Variants in WDFY3 observed in about 807,000 individuals in gnomAD.
WDFY3 encodes the protein WD repeat and FYVE domain containing 3, also known as WD repeat and FYVE domain-containing protein 3.
WDFY3 carries 66 observed loss-of-function variants against 409.6 expected under a neutral mutation model. The observed-to-expected ratio is 0.16, with a 90% CI of 0.13 to 0.20. The LOEUF (loss-of-function observed/expected upper bound fraction) is 0.20, where lower values mean the gene tolerates loss of function less well. WDFY3 is among the 10% of genes least tolerant of loss of function. The pLI is 1.00. For missense variants in WDFY3, 3,031 were observed against 4,298.1 expected, an observed-to-expected ratio of 0.71 and a Z score of 8.24; for synonymous variants, 1,521 against 1,537.1, an observed-to-expected ratio of 0.99 and a Z score of 0.25.
At chr4:84,835,331 A>G (rs533492262) in intron 7 of WDFY3, among the ~76,000 whole-genome samples, 11 of 152,314 alleles carry the variant, frequency 7.2e-5, no homozygotes, top group Non-Finnish European at 1.3e-4. Flanking sequence ...TTCATCGGCA[A>G]TATCTTCAAG....
At chr4:84,836,840 A>T (rs953301667) in intron 7 of WDFY3, 89 bp downstream of exon 7, 24 of 1,183,436 alleles carry the variant, frequency 2.0e-5, no homozygotes, top group Admixed American at 3.2e-5. Flanking sequence ...AATATGAGTT[A>T]AAAAATGGAA....
intron 2 of WDFY3, among the ~76,000 whole-genome samples, chr4:84,929,730 C>T (rs1770495712): frequency 6.6e-6 from 1 of 151,950 alleles, no homozygotes; most frequent in Admixed American, 6.5e-5. Flanking sequence ...GCCAACATGG[C>T]AAAACCCTGT....
rs534037043 is a variant in WDFY3 at position 84,788,569 on chromosome 4, A to T, written c.3670-856T>A. ...CATGTATACAAACAAATCAATGACTATTCCACAAGGTGCATTTTAGGGTTT... is the reference window on the plus strand; with the variant it reads ...CATGTATACAAACAAATCAATGACTTTTCCACAAGGTGCATTTTAGGGTTT... On this transcript the variant is annotated intron_variant, in intron 22 of 67. Transcript: ENST00000295888. Among the ~76,000 whole-genome samples, 24 of 152,344 alleles carry T rather than the reference A, an allele frequency of 1.6e-4. No homozygotes were observed. In the East Asian group the frequency reaches 3.9e-3, roughly 24 times the overall value.
intron 51 of WDFY3, among the ~76,000 whole-genome samples, chr4:84,712,392 AAAAG>A (rs1733064241): frequency 2.0e-5 from 3 of 150,796 alleles, no homozygotes; most frequent in Non-Finnish European, 4.4e-5. Flanking sequence ...AAAAAAAAAA[AAAAG>A]AAGAATCACA....
intron 20 of WDFY3, 37 bp downstream of exon 20, chr4:84,794,842 A>G (rs1749104055): frequency 1.9e-6 from 3 of 1,538,800 alleles, no homozygotes; most frequent in Non-Finnish European, 8.7e-7. Flanking sequence ...AATCTACTAG[A>G]AAAAAAACTC....
intron 63 of WDFY3, among the ~76,000 whole-genome samples, chr4:84,683,370 C>T (rs968676844): frequency 6.6e-6 from 1 of 152,138 alleles, no homozygotes; most frequent in African/African-American, 2.4e-5. Context: ...AAAACAAGCA[C>T]AAAGAAAAAT....
At chr4:84,683,901 G>A in intron 63 of WDFY3, 42 bp downstream of exon 63, 4 of 1,531,438 alleles carry the variant, frequency 2.6e-6, no homozygotes, top group Non-Finnish European at 3.5e-6. Context: ...GGTAAACTAG[G>A]ATGACAAATA....
At chr4:84,949,130 C>A (rs17009362) in intron 1 of WDFY3, among the ~76,000 whole-genome samples, 5,530 of 152,160 alleles carry the variant, frequency 0.036, 336 homozygotes, top group African/African-American at 0.13. Flanking sequence ...GTCTGTCCTG[C>A]ATAATAGTTA....
At chr4:84,950,743 T>C (rs1479895391) in intron 1 of WDFY3, among the ~76,000 whole-genome samples, 2 of 152,126 alleles carry the variant, frequency 1.3e-5, no homozygotes, top group African/African-American at 4.8e-5. Flanking sequence ...TGAGCGGAGA[T>C]AGCATCACTG....
intron 2 of WDFY3, among the ~76,000 whole-genome samples, chr4:84,914,144 G>A (rs1318971419): frequency 1.3e-5 from 2 of 152,046 alleles, no homozygotes; most frequent in Non-Finnish European, 2.9e-5. Flanking sequence ...TATTAGGGCC[G>A]GGTGTGGTGG....
At chr4:84,912,206 A>G (rs1767887812) in intron 2 of WDFY3, among the ~76,000 whole-genome samples, 1 of 152,212 alleles carries the variant, frequency 6.6e-6, no homozygotes, top group African/African-American at 2.4e-5. Flanking sequence ...AGAAGCAGAG[A>G]AAAGTCATGA....
chr4:84,853,530 C>A (rs188916534), intron 4 of WDFY3, among the ~76,000 whole-genome samples: 53 of 152,208 alleles, frequency 3.5e-4, no homozygotes, highest in African/African-American at 1.3e-3. Context: ...CAGGGTGTAT[C>A]AATGTATATT....
At position 84,803,337 on chromosome 4, in the gene WDFY3, C is replaced by A. The variant is rs767589378; in HGVS notation, c.2560G>T (p.Ala854Ser). ...ACAGAGGCCAGTAGGTCCAGCATGG[C>A]AAGCATGGCTCCAGGATGAATGATG... ...AVIIHPGAML[A>S]MLDLLASVGS... Residue 854 changes from alanine to serine, a missense_variant, in exon 16 of 68, where the codon GCC becomes TCC. Physicochemically the swap from Ala to Ser is moderately conservative, Grantham distance 99 (BLOSUM62 1). Transcript: ENST00000295888. 6.2e-7 allele frequency: 1 copy of A among 1,613,872 alleles called. No homozygotes were observed. Among genetic ancestry groups the A allele is most frequent in the Admixed American group, 1.7e-5 (1 of 59,968 alleles).
intron 62 of WDFY3, chr4:84,687,870 A>G: frequency 2.2e-6 from 1 of 448,182 alleles, no homozygotes. Flanking sequence ...GTGGTCTCTG[A>G]CTTTCAGGAG....
rs1758002226 is a variant in WDFY3, at chr4:84,845,749, T to A, written c.304+4153A>T. ...TTGATAACAACACTGACCAAAAGAA[T>A]CTTCCAATGTTCTAAACTAAAAATG... On this transcript the variant is annotated intron_variant, in intron 5 of 67. Coordinates refer to ENST00000295888, the MANE Select transcript of WDFY3 (RefSeq NM_014991.6). Among the ~76,000 whole-genome samples the A allele has an allele frequency of 2.6e-5, 4 of 152,104 alleles. 1 individual carries two copies. Among genetic ancestry groups the A allele is most frequent in the Admixed American group, 2.6e-4 (4 of 15,268 alleles).
intron 38 of WDFY3, 131 bp downstream of exon 38, chr4:84,741,630 T>G: frequency 1.8e-6 from 2 of 1,140,432 alleles, no homozygotes; most frequent in Non-Finnish European, 2.4e-6. Flanking sequence ...CTATTCACTT[T>G]TAATAAGCTT....
chr4:84,751,971 T>C (rs1215147264), intron 35 of WDFY3, among the ~76,000 whole-genome samples: 1 of 152,090 alleles, frequency 6.6e-6, no homozygotes, highest in African/African-American at 2.4e-5. Flanking sequence ...GTATGTCTAT[T>C]GTGGCTAACT....
Position 84,900,127 on chromosome 4 carries a change from C to T in WDFY3, c.-131-3117G>A, listed in dbSNP as rs539196617. 6.6e-5 allele frequency among the ~76,000 whole-genome samples: 10 copies of T among 152,276 alleles called. No homozygotes were observed. The East Asian group carries it at 1.9e-3, about 29-fold the overall frequency. The stretch of plus-strand genomic sequence containing the variant: ...AACTTACACACAAAAGTTTATAGTA[C>T]CTCTATTCATTATGGCCAAAGAATG... On this transcript the variant is annotated intron_variant, in intron 2 of 67. Transcript: ENST00000295888.
chr4:84,796,239 CAAA>C (rs947801397), intron 19 of WDFY3, among the ~76,000 whole-genome samples: 2 of 113,494 alleles, frequency 1.8e-5, no homozygotes, highest in Non-Finnish European at 1.9e-5. Context: ...ACTTCATTTA[CAAA>C]AAAAAAAAAA....
Sources: allele counts gnomAD v4.1 joint callset (sites outside exome capture counted in the v4.1 genomes callset), GRCh38; gene constraint gnomAD v4.1.1; transcripts MANE v1.5; gene names NCBI Gene and HGNC (gene_info 2026-07-23, HGNC 2026-07-21).